The following KIF26B variants were observed in gnomAD, a reference collection of about 807,000 sequenced individuals.
The protein encoded by KIF26B is kinesin-like protein KIF26B.
Under a neutral mutation model 151.2 loss-of-function variants are expected in KIF26B, and 63 were observed. The observed-to-expected ratio is 0.42, with a 90% CI of 0.34 to 0.51. The LOEUF is 0.51. Ranked by LOEUF, KIF26B falls within the 20% of genes least tolerant of loss-of-function variation. The pLI, the probability that KIF26B is intolerant of heterozygous loss-of-function variation, is 0.07. For synonymous variants in KIF26B, 1,357 were observed against 1,262.1 expected, an observed-to-expected ratio of 1.08 and a Z score of -1.59; for missense variants, 2,813 against 2,913.6, an observed-to-expected ratio of 0.97 and a Z score of 0.79.
At chr1:245,211,501 A>C (rs113166893) in intron 2 of KIF26B, among the ~76,000 whole-genome samples, 1,831 of 152,064 alleles carry the variant, frequency 0.012, 32 homozygotes, top group African/African-American at 0.041. Context: ...AGACTCAAGC[A>C]ATCCTCCTGC....
At chr1:245,297,875 TTTTGTTTG>T (rs61370908) in intron 2 of KIF26B, among the ~76,000 whole-genome samples, 4 of 149,844 alleles carry the variant, frequency 2.7e-5, no homozygotes, top group East Asian at 2.0e-4. Context: ...GGGCATCAGT[TTTTGTTTG>T]TTTGTTTGTT....
At chr1:245,581,808 T>C (rs148904214) in intron 5 of KIF26B, among the ~76,000 whole-genome samples, 41 of 152,136 alleles carry the variant, frequency 2.7e-4, no homozygotes, top group African/African-American at 8.7e-4. Context: ...TCCCAGCACT[T>C]TGGGAGGCTG....
intron 2 of KIF26B, among the ~76,000 whole-genome samples, chr1:245,258,748 T>TG (rs911145877): frequency 2.5e-4 from 38 of 151,504 alleles, no homozygotes; most frequent in Middle Eastern, 3.4e-3. Context: ...CACAGCATGG[T>TG]GGGGGGGCAT....
At chr1:245,441,120 A>T (rs1468648961) in intron 4 of KIF26B, among the ~76,000 whole-genome samples, 1 of 152,146 alleles carries the variant, frequency 6.6e-6, no homozygotes, top group Non-Finnish European at 1.5e-5. Flanking sequence ...TGGGATTGTG[A>T]ACTCCAGCCA....
At chr1:245,297,371 T>C (rs1671357945) in intron 2 of KIF26B, among the ~76,000 whole-genome samples, 1 of 152,092 alleles carries the variant, frequency 6.6e-6, no homozygotes. Context: ...ATTTTTATTA[T>C]TTCCATGTTT....
chr1:245,492,243 T>C (rs1660423710), intron 4 of KIF26B, among the ~76,000 whole-genome samples: 1 of 152,184 alleles, frequency 6.6e-6, no homozygotes, highest in Non-Finnish European at 1.5e-5. Context: ...TTTAAACCCT[T>C]CGGAGTGGTC....
Position 245,685,737 on chromosome 1 carries a change from G to A in KIF26B, c.2754G>A (p.Arg918=), listed in dbSNP as rs757773785. The change falls in exon 12 of 15, where the codon AGG becomes AGA. Residue 918 remains arginine (R), a synonymous_variant. Transcript: ENST00000407071. ...AGGCTGCAGCCGGCAAGTCAGAAAG[G>A]GACTGCCTGAAGTGCAACACGTTTG... The part of the protein sequence containing the change: ...AGEAAAGKSE[R]DCLKCNTFAE... 2 of 1,612,844 alleles carry A rather than the reference G, an allele frequency of 1.2e-6. No homozygotes were observed. The highest frequency in any genetic ancestry group is 2.2e-5 in the East Asian group (1 of 44,866).
Position 245,456,340 on chromosome 1 carries a change from G to A in KIF26B, c.1166+36595G>A, listed in dbSNP as rs1659517542. On this transcript the variant is annotated intron_variant, in intron 4 of 14. Coordinates refer to ENST00000407071, the MANE Select transcript of KIF26B (RefSeq NM_018012.4). The stretch of plus-strand genomic sequence containing the variant: ...TGAATATGTTTGCACACAAATCTTT[G>A]TACACATCTGCGTTTATTTCCTTAG... Among the ~76,000 whole-genome samples the A allele has an allele frequency of 2.0e-5, 3 of 152,276 alleles. 1 individual carries two copies. The South Asian group carries it at 6.2e-4, about 32-fold the overall frequency.
intron 2 of KIF26B, among the ~76,000 whole-genome samples, chr1:245,357,169 G>C (rs1210454892): frequency 1.3e-5 from 2 of 152,218 alleles, no homozygotes; most frequent in Non-Finnish European, 2.9e-5. Context: ...TGACTCTGAA[G>C]GAAGTGGGGC....
At chr1:245,500,024 A>C (rs1006033203) in intron 4 of KIF26B, among the ~76,000 whole-genome samples, 1 of 152,222 alleles carries the variant, frequency 6.6e-6, no homozygotes. Context: ...GGATAGCTAC[A>C]CATCATCAAT....
intron 2 of KIF26B, among the ~76,000 whole-genome samples, chr1:245,296,357 A>G (rs1264676821): frequency 6.6e-6 from 1 of 152,032 alleles, no homozygotes; most frequent in Middle Eastern, 3.2e-3. Flanking sequence ...CCCCTTAATA[A>G]GACATTCTGA....
chr1:245,215,533 C>G (rs1471895263), intron 2 of KIF26B, among the ~76,000 whole-genome samples: 1 of 152,036 alleles, frequency 6.6e-6, no homozygotes, highest in African/African-American at 2.4e-5. Context: ...GAGGCTTCTC[C>G]TCCTCTGGAG....
Position 245,707,519 on chromosome 1 carries a change from T to A in KIF26B, c.*4913T>A, listed in dbSNP as rs906801701. ...CTCGTGTTCTCTCATTTACTTATTA[T>A]GCATCACGGTTGGAAATGCTATCCA... is the stretch of plus-strand genomic sequence containing the variant. On this transcript the variant is annotated 3_prime_UTR_variant, in exon 15 of 15. Transcript: ENST00000407071. 2 of 152,260 alleles carry A rather than the reference T, an allele frequency of 1.3e-5. No homozygotes were observed. The highest frequency in any genetic ancestry group is 2.9e-5 in the Non-Finnish European group (2 of 68,050). 9.4% of individuals were successfully genotyped at this position (152,260 alleles called of 1,614,324 possible). A position where few individuals can be genotyped will look rare whatever the true frequency, so the allele number is the denominator to read the frequency against.
rs1420611680 is a variant in KIF26B, at chr1:245,540,244, A to G, written c.1167-523A>G. ...TCTGATTTGGTGGTATATTTCTAAA[A>G]CCAGTTTGATTTTTCCTGTTGCACT... On this transcript the variant is annotated intron_variant, in intron 4 of 14. Transcript: ENST00000407071. This position sits in a 1 kb window ranked among gnomAD's most constrained non-coding sequence, Gnocchi z 4.6. Among the ~76,000 whole-genome samples, 1 of 152,040 alleles carries G rather than the reference A, an allele frequency of 6.6e-6. No individual in the cohort carries two copies. The highest frequency in any genetic ancestry group is 1.5e-5 in the Non-Finnish European group (1 of 68,012).
intron 4 of KIF26B, among the ~76,000 whole-genome samples, chr1:245,460,248 G>A (rs773252024): frequency 2.0e-5 from 3 of 152,216 alleles, no homozygotes; most frequent in African/African-American, 4.8e-5. Flanking sequence ...TTACAGGCGT[G>A]AGCCACCACG....
chr1:245,417,277 A>AT (rs1674443896), intron 3 of KIF26B, among the ~76,000 whole-genome samples: 2 of 147,246 alleles, frequency 1.4e-5, no homozygotes, highest in South Asian at 2.2e-4. Flanking sequence ...TATATATCAC[A>AT]TTTTTTTAAT....
intron 4 of KIF26B, among the ~76,000 whole-genome samples, chr1:245,509,539 G>A (rs1223632471): frequency 6.6e-6 from 1 of 152,142 alleles, no homozygotes; most frequent in Non-Finnish European, 1.5e-5. Flanking sequence ...GTTGCATTAG[G>A]ATCTCTTCTC....
intron 2 of KIF26B, among the ~76,000 whole-genome samples, chr1:245,195,982 G>C (rs932239915): frequency 6.6e-6 from 1 of 152,160 alleles, no homozygotes; most frequent in Non-Finnish European, 1.5e-5. Flanking sequence ...AAAAAGGAGG[G>C]ACTGGAGCCC....
intron 2 of KIF26B, among the ~76,000 whole-genome samples, chr1:245,264,780 C>T (rs1318520249): frequency 6.6e-6 from 1 of 150,680 alleles, no homozygotes; most frequent in African/African-American, 2.4e-5. Flanking sequence ...GTAGTCCCAG[C>T]TACTCTAGAG....
Sources: gnomAD v4.1 joint callset for allele counts (sites outside exome capture counted in the v4.1 genomes callset) on GRCh38, gnomAD v4.1.1 for gene constraint, Gnocchi (gnomAD v3.1) non-coding constraint, MANE v1.5 for transcripts, NCBI Gene and HGNC (gene_info 2026-07-23, HGNC 2026-07-21) for gene names.